Variants in SLC13A1 observed in about 807,000 individuals in gnomAD.
SLC13A1 encodes the protein Na(+)/sulfate cotransporter.
A neutral mutation model predicts 70.0 loss-of-function variants in SLC13A1; 65 were observed. The ratio of observed to expected loss-of-function variants is 0.93; its 90% CI spans 0.76 to 1.14. The LOEUF is 1.14. SLC13A1 is among the 50% of genes most tolerant of loss of function. SLC13A1 has a pLI of 0.00. For synonymous variants in SLC13A1, 275 were observed against 250.5 expected, an observed-to-expected ratio of 1.10 and a Z score of -0.92; for missense variants, 726 against 717.8, an observed-to-expected ratio of 1.01 and a Z score of -0.13.
chr7:123,149,705 C>T, intron 6 of SLC13A1: 2 of 436,526 alleles, frequency 4.6e-6, no homozygotes, highest in South Asian at 3.2e-5. Context: ...TTTTACCATC[C>T]TGGTTATCAA....
At chr7:123,119,274 A>G (rs898400250) in intron 12 of SLC13A1, 32 bp from the exon 13 acceptor site, 6 of 1,449,064 alleles carry the variant, frequency 4.1e-6, no homozygotes, top group Middle Eastern at 1.8e-4. Context: ...TTTGTTACTC[A>G]TGAATAATTC....
At chr7:123,140,219 T>C (rs559744985) in intron 7 of SLC13A1, among the ~76,000 whole-genome samples, 3 of 152,248 alleles carry the variant, frequency 2.0e-5, no homozygotes, top group African/African-American at 7.2e-5. Context: ...TTTGTTGTTA[T>C]GATGTATTAT....
intron 1 of SLC13A1, among the ~76,000 whole-genome samples, chr7:123,193,218 A>G (rs1388966184): frequency 1.3e-5 from 2 of 152,178 alleles, no homozygotes; most frequent in Non-Finnish European, 2.9e-5. Flanking sequence ...TTAAGAGTTT[A>G]TGATTTTACA....
rs1045908143 is a variant in SLC13A1 at position 123,134,542 on chromosome 7, A to G, written c.813-13T>C. On this transcript the variant is annotated splice_polypyrimidine_tract_variant and intron_variant, in intron 7 of 14. Transcript: ENST00000194130. ...GTCAGGATAGCGTCTGTGTGAAAACATGGAGACGTGTTCAGGGATGGAGAG... is the reference window on the plus strand; with the variant it reads ...GTCAGGATAGCGTCTGTGTGAAAACGTGGAGACGTGTTCAGGGATGGAGAG... 2.5e-6 allele frequency: 4 copies of G among 1,611,250 alleles called. No homozygotes were observed. Among genetic ancestry groups the G allele is most frequent in the Non-Finnish European group, 1.7e-6 (2 of 1,178,448 alleles).
intron 6 of SLC13A1, among the ~76,000 whole-genome samples, chr7:123,165,395 C>T (rs936776278): frequency 4.6e-5 from 7 of 152,232 alleles, no homozygotes; most frequent in Admixed American, 6.5e-5. Context: ...AATGCATCTC[C>T]GTTATCTTTT....
At chr7:123,156,669 A>G (rs1794726678) in intron 6 of SLC13A1, among the ~76,000 whole-genome samples, 1 of 152,156 alleles carries the variant, frequency 6.6e-6, no homozygotes, top group South Asian at 2.1e-4. Flanking sequence ...ATTTCTGTAA[A>G]GAAATTTTTT....
At chr7:123,161,283 A>T (rs984772952) in intron 6 of SLC13A1, among the ~76,000 whole-genome samples, 1 of 151,192 alleles carries the variant, frequency 6.6e-6, no homozygotes, top group Non-Finnish European at 1.5e-5. Flanking sequence ...TTATTTAAAA[A>T]TAATCTTTAA....
chr7:123,177,428 A>G (rs1420825322), intron 2 of SLC13A1, among the ~76,000 whole-genome samples: 1 of 152,016 alleles, frequency 6.6e-6, no homozygotes, highest in Non-Finnish European at 1.5e-5. Flanking sequence ...TTTTAAAATC[A>G]AAGTTAGGTT....
At chr7:123,132,023 G>A (rs1481098880) in intron 8 of SLC13A1, among the ~76,000 whole-genome samples, 1 of 152,152 alleles carries the variant, frequency 6.6e-6, no homozygotes, top group Non-Finnish European at 1.5e-5. Context: ...GCCATCTCCT[G>A]TATCCTGCAT....
intron 8 of SLC13A1, among the ~76,000 whole-genome samples, chr7:123,131,054 A>C (rs1247258409): frequency 6.6e-6 from 1 of 152,214 alleles, no homozygotes; most frequent in Admixed American, 6.6e-5. Context: ...GTTAGTTTAC[A>C]TTTTGTGTAA....
rs185615173 is a variant in SLC13A1, at chr7:123,168,518, T to G, written c.597A>C (p.Thr199=). Residue 199 remains threonine (T), a synonymous_variant, in exon 5 of 15, where the codon ACA becomes ACC. Coordinates refer to ENST00000194130, the MANE Select transcript of SLC13A1 (RefSeq NM_022444.4). ...GTATTCCTTACCCTGGAACTGGTTT[T>G]GTTTTCTCTTTCCTCTCATTTATTT... is the stretch of plus-strand genomic sequence containing the variant. ...GHEINERKEK[T]KPVPGYNNDT... The G allele has an allele frequency of 3.0e-5, 49 of 1,611,142 alleles. No homozygotes were observed. The African/African-American group carries it at 5.3e-4, about 18-fold the overall frequency.
At chr7:123,179,091 G>A (rs1391514087) in intron 2 of SLC13A1, among the ~76,000 whole-genome samples, 1 of 152,070 alleles carries the variant, frequency 6.6e-6, no homozygotes, top group East Asian at 1.9e-4. Flanking sequence ...GAGGATGGGA[G>A]TTGAGGTCTG....
chr7:123,164,267 T>C (rs553613178), intron 6 of SLC13A1, among the ~76,000 whole-genome samples: 1 of 152,058 alleles, frequency 6.6e-6, no homozygotes, highest in East Asian at 1.9e-4. Flanking sequence ...TGGGGGCCAT[T>C]ATTATTTTTT....
chr7:123,138,543 A>G (rs1287945654), intron 7 of SLC13A1, among the ~76,000 whole-genome samples: 1 of 152,168 alleles, frequency 6.6e-6, no homozygotes, highest in African/African-American at 2.4e-5. Context: ...CCAACAGTGT[A>G]TGAGGGTTTC....
At chr7:123,158,638 T>G (rs959446761) in intron 6 of SLC13A1, among the ~76,000 whole-genome samples, 2 of 151,596 alleles carry the variant, frequency 1.3e-5, no homozygotes, top group African/African-American at 2.4e-5. Context: ...CAAAGTAAAA[T>G]TCTATCACAC....
chr7:123,119,260 A>T lies in SLC13A1; in HGVS notation c.1351-18T>A. 1 of 1,534,296 alleles carries T rather than the reference A, an allele frequency of 6.5e-7. No individual in the cohort carries two copies. The highest frequency in any genetic ancestry group is 8.9e-7 in the Non-Finnish European group (1 of 1,123,524). ...CCAGACTCCTAAAAAACAAATTTGC[A>T]ATATTTGTTACTCATGAATAATTCT... On this transcript the variant is annotated intron_variant, in intron 12 of 14. Transcript: ENST00000194130.
At chr7:123,133,009 T>C (rs1793819597) in intron 8 of SLC13A1, among the ~76,000 whole-genome samples, 1 of 152,350 alleles carries the variant, frequency 6.6e-6, no homozygotes, top group South Asian at 2.1e-4. Flanking sequence ...TTTGACATTT[T>C]AGTGGCATCA....
Position 123,169,169 on chromosome 7 carries a change from T to G in SLC13A1, c.532A>C (p.Asn178His). The G allele has an allele frequency of 1.9e-6, 3 of 1,614,072 alleles. No individual in the cohort carries two copies. Among genetic ancestry groups the G allele is most frequent in the Non-Finnish European group, 2.5e-6 (3 of 1,179,962 alleles). ...TQMTYFNGST[N>H]HGLEIDESVN... is the part of the protein sequence containing the mutation. The stretch of plus-strand genomic sequence containing the variant: ...ATACCATCAATTTCTAGTCCGTGGT[T>G]GGTTGATCCGTTGAAGTAAGTCATC... The change falls in exon 4 of 15, where the codon AAC becomes CAC. Residue 178 changes from asparagine to histidine, a missense_variant. Asn to His is a moderately conservative substitution (Grantham distance 68). Transcript: ENST00000194130.
chr7:123,169,002 A>G, intron 4 of SLC13A1, 146 bp downstream of exon 4: 1 of 666,908 alleles, frequency 1.5e-6, no homozygotes, highest in South Asian at 2.4e-5. Context: ...CTATTTTTGT[A>G]GATACTGAGA....
Sources: allele counts gnomAD v4.1 joint callset (sites outside exome capture counted in the v4.1 genomes callset), GRCh38; gene constraint gnomAD v4.1.1; transcripts MANE v1.5; gene names NCBI Gene and HGNC (gene_info 2026-07-23, HGNC 2026-07-21).